The following NYAP2 variants were observed in gnomAD, a reference collection of about 807,000 sequenced individuals.
The protein encoded by NYAP2 is neuronal tyrosine-phosphorylated phosphoinositide-3-kinase adapter 2.
Under a neutral mutation model 50.4 loss-of-function variants are expected in NYAP2, and 23 were observed. The observed-to-expected ratio is 0.46, with a 90% CI of 0.33 to 0.65. The LOEUF (loss-of-function observed/expected upper bound fraction) is 0.65. Ranked by LOEUF, NYAP2 falls within the 30% of genes least tolerant of loss-of-function variation. The pLI is 0.02. For synonymous variants in NYAP2, 394 were observed against 365.2 expected (o/e 1.08, Z -0.90); for missense variants, 885 against 861.0 (o/e 1.03, Z -0.35).
intron 4 of NYAP2, among the ~76,000 whole-genome samples, chr2:225,572,659 A>T (rs1386062000): frequency 6.6e-6 from 1 of 152,252 alleles, no homozygotes; most frequent in African/African-American, 2.4e-5. Flanking sequence ...TATTAGAAAC[A>T]TAGGCATAAA....
chr2:225,655,727 C>T (rs1693809676), downstream of NYAP2, among the ~76,000 whole-genome samples: 1 of 152,138 alleles, frequency 6.6e-6, no homozygotes, highest in African/African-American at 2.4e-5. Flanking sequence ...GCTATAGCAG[C>T]TGATGCACAG....
At chr2:225,512,221 C>G (rs1690831686) in intron 3 of NYAP2, among the ~76,000 whole-genome samples, 1 of 152,068 alleles carries the variant, frequency 6.6e-6, no homozygotes, top group African/African-American at 2.4e-5. Context: ...TATTTTTGTT[C>G]AAACTTTCCT....
intron 5 of NYAP2, among the ~76,000 whole-genome samples, chr2:225,626,682 GA>G (rs750053057): frequency 3.3e-5 from 5 of 152,058 alleles, no homozygotes; most frequent in Non-Finnish European, 7.4e-5. Context: ...AAGATTCGTC[GA>G]GGTACTCTTT....
At chr2:225,414,753 C>A (rs1188208628) in intron 3 of NYAP2, among the ~76,000 whole-genome samples, 1 of 152,098 alleles carries the variant, frequency 6.6e-6, no homozygotes. Context: ...GAAGGACGGG[C>A]AATCCAAAGA....
Position 225,638,196 on chromosome 2 carries a change from T to TGTGGTGC in NYAP2, c.1828+11071_1828+11072insTGGTGCG. Reference sequence around the variant, plus strand: ...TGTGTGTGTGTGTGTGTGTGTGGTGTGGGAGGGGGGTGAGAGAGAGAGAGA... The same window carrying TGTGGTGC: ...TGTGTGTGTGTGTGTGTGTGTGGTGTGTGGTGCGGGAGGGGGGTGAGAGAGAGAGAGA... On this transcript the variant is annotated intron_variant, in intron 6 of 6. Coordinates refer to ENST00000636099, the Ensembl canonical transcript of NYAP2. Among the ~76,000 whole-genome samples the TGTGGTGC allele has an allele frequency of 3.2e-5, 4 of 125,562 alleles. No homozygotes were observed. In the South Asian group the frequency reaches 1.2e-3, roughly 37 times the overall value. The allele number at this position is 125,562 out of a possible 152,430, so 82.4% of individuals were successfully genotyped here. A position where few individuals can be genotyped will look rare whatever the true frequency, so the allele number is the denominator to read the frequency against.
At chr2:225,641,932 A>G (rs1693541755) in intron 6 of NYAP2, among the ~76,000 whole-genome samples, 1 of 152,188 alleles carries the variant, frequency 6.6e-6, no homozygotes, top group African/African-American at 2.4e-5. Context: ...GAAACATAAA[A>G]ATCATCTTTT....
At chr2:225,603,536 A>G (rs796550637) in intron 5 of NYAP2, among the ~76,000 whole-genome samples, 10 of 152,276 alleles carry the variant, frequency 6.6e-5, no homozygotes, top group African/African-American at 2.4e-4. Flanking sequence ...ATCTCGGCTC[A>G]CTGCAATCTC....
At position 225,582,868 on chromosome 2, in the gene NYAP2, G is replaced by C; in HGVS notation, c.1451G>C (p.Gly484Ala). 6.2e-7 allele frequency: 1 copy of C among 1,613,722 alleles called. No homozygotes were observed. The highest frequency in any genetic ancestry group is 8.5e-7 in the Non-Finnish European group (1 of 1,179,868). ...ACCCCCAGACCCGTGTCGCAAGATG[G>C]GGCCAAGATGGTCAACGCCGCGGTG... Residue 484 changes from glycine (G) to alanine (A), a missense_variant, in exon 5 of 7, where the codon GGG (glycine) becomes GCG (alanine). Coordinates refer to ENST00000636099, the Ensembl canonical transcript of NYAP2. The surrounding 1 kb of genome is among the most constrained non-coding windows in gnomAD (Gnocchi z 7.0).
chr2:225,681,460 G>T, the NYAP2 span, among the ~76,000 whole-genome samples: 1 of 152,182 alleles, frequency 6.6e-6, no homozygotes, highest in Non-Finnish European at 1.5e-5. Context: ...ATATCTTAGG[G>T]CTTGTGGATG....
In NYAP2 at chr2:225,598,009, G is replaced by A. The variant is rs564994932; in HGVS notation, c.1618+14974G>A. On this transcript the variant is annotated intron_variant, in intron 5 of 6. Transcript: ENST00000636099. Reference sequence around the variant, plus strand: ...TGACATCTTAAGTGAATCATTCTACGACCTGAGGTTAGGAGCATAAAGAAT... The same window carrying A: ...TGACATCTTAAGTGAATCATTCTACAACCTGAGGTTAGGAGCATAAAGAAT... 3.3e-5 allele frequency among the ~76,000 whole-genome samples: 5 copies of A among 152,184 alleles called. No individual in the cohort carries two copies. In the East Asian group the frequency reaches 9.7e-4, roughly 29 times the overall value.
chr2:225,524,999 A>G (rs577591209), intron 4 of NYAP2, among the ~76,000 whole-genome samples: 2 of 152,292 alleles, frequency 1.3e-5, no homozygotes, highest in African/African-American at 4.8e-5. Flanking sequence ...CAACATCACC[A>G]ATCATCACAG....
rs577852743 is a variant in NYAP2, at chr2:225,508,510, T to C, written c.222-4861T>C. Among the ~76,000 whole-genome samples, 3 of 152,154 alleles carry C rather than the reference T, an allele frequency of 2.0e-5. No individual in the cohort carries two copies. The East Asian group carries it at 5.8e-4, about 29-fold the overall frequency. On this transcript the variant is annotated intron_variant, in intron 3 of 6. Transcript: ENST00000636099. The stretch of plus-strand genomic sequence containing the variant: ...GCAGACACCATGACAGAGTTAGAAG[T>C]CTGGGAGGTTTATTGGGAAGAATGC...
intron 2 of NYAP2, among the ~76,000 whole-genome samples, chr2:225,404,724 AT>A (rs2106116409): frequency 6.6e-6 from 1 of 152,130 alleles, no homozygotes; most frequent in East Asian, 1.9e-4. Flanking sequence ...AAGCTGAACA[AT>A]TAACCATACA....
chr2:225,634,572 C>A (rs1693379378), intron 6 of NYAP2, among the ~76,000 whole-genome samples: 1 of 152,098 alleles, frequency 6.6e-6, no homozygotes, highest in Admixed American at 6.5e-5. Context: ...AAAAAAAAGC[C>A]ATTTCTTACA....
intron 6 of NYAP2, among the ~76,000 whole-genome samples, chr2:225,627,673 G>A (rs1380834691): frequency 6.6e-6 from 1 of 152,160 alleles, no homozygotes; most frequent in Non-Finnish European, 1.5e-5. Flanking sequence ...AAAGGAAAAT[G>A]TAAAAGTTTT....
At chr2:225,637,394 C>T (rs528187204) in intron 6 of NYAP2, among the ~76,000 whole-genome samples, 19 of 152,242 alleles carry the variant, frequency 1.2e-4, no homozygotes, top group African/African-American at 4.3e-4. Flanking sequence ...ACTTCAGCAC[C>T]GGGCAGCTGT....
At chr2:225,540,188 A>G (rs1206584246) in intron 4 of NYAP2, among the ~76,000 whole-genome samples, 1 of 152,156 alleles carries the variant, frequency 6.6e-6, no homozygotes, top group African/African-American at 2.4e-5. Flanking sequence ...TGAGCCCTCA[A>G]AACTGTTCCA....
chr2:225,582,210 G>A lies in NYAP2; in HGVS notation c.793G>A (p.Glu265Lys). ...CAGGAAGGAGGACGATGACCAGAGC[G>A]AGGCCGTCTACGAGGAAATGAAGTA... Residue 265 changes from glutamate to lysine, a missense_variant, in exon 5 of 7, where the codon GAG becomes AAG. Glu to Lys is a moderately conservative substitution (Grantham distance 56). Coordinates refer to ENST00000636099, the Ensembl canonical transcript of NYAP2. This position sits in a 1 kb window ranked among gnomAD's most constrained non-coding sequence, Gnocchi z 7.0. 1.9e-6 allele frequency: 3 copies of A among 1,614,016 alleles called. No homozygotes were observed. The highest frequency in any genetic ancestry group is 1.1e-5 in the South Asian group (1 of 91,082).
intron 3 of NYAP2, among the ~76,000 whole-genome samples, chr2:225,451,203 AT>A (rs1417592265): frequency 6.6e-6 from 1 of 152,184 alleles, no homozygotes; most frequent in Non-Finnish European, 1.5e-5. Flanking sequence ...GAGGCAGAAG[AT>A]CCGTCTACAG....
Sources: gnomAD v4.1 joint callset for allele counts (sites outside exome capture counted in the v4.1 genomes callset) on GRCh38, gnomAD v4.1.1 for gene constraint, Gnocchi (gnomAD v3.1) non-coding constraint, MANE v1.5 for transcripts, NCBI Gene and HGNC (gene_info 2026-07-23, HGNC 2026-07-21) for gene names.